Variants in SORBS2 observed in about 807,000 individuals in gnomAD.
SORBS2 encodes the protein sorbin and SH3 domain containing 2, also known as sorbin and SH3 domain-containing protein 2.
A neutral mutation model predicts 97.7 loss-of-function variants in SORBS2; 46 were observed. The ratio of observed to expected loss-of-function variants is 0.47; its 90% CI spans 0.37 to 0.60. The LOEUF is 0.60. Ranked by LOEUF, SORBS2 falls within the 20% of genes least tolerant of loss-of-function variation. The pLI is 0.00. For synonymous variants in SORBS2, 476 were observed against 473.4 expected (o/e 1.01, Z -0.07); for missense variants, 1,316 against 1,282.3 (o/e 1.03, Z -0.40).
intron 1 of SORBS2, among the ~76,000 whole-genome samples, chr4:185,841,988 G>A (rs75851726): frequency 0.021 from 3,199 of 152,202 alleles, 72 homozygotes; most frequent in South Asian, 0.055. Flanking sequence ...CATCTACTCC[G>A]TGCTCAGGGA....
intron 1 of SORBS2, among the ~76,000 whole-genome samples, chr4:185,878,499 C>A (rs1467219829): frequency 3.3e-5 from 5 of 152,086 alleles, no homozygotes; most frequent in African/African-American, 1.2e-4. Context: ...CCGTACCTGG[C>A]GCCTCGCTTT....
chr4:185,865,666 C>T (rs1259078813), intron 1 of SORBS2, among the ~76,000 whole-genome samples: 2 of 152,184 alleles, frequency 1.3e-5, no homozygotes, highest in Non-Finnish European at 2.9e-5. Flanking sequence ...GCACTCTTAG[C>T]CTAACTTTTA....
At chr4:185,723,159 T>C (rs559787479) in intron 2 of SORBS2, among the ~76,000 whole-genome samples, 3 of 152,018 alleles carry the variant, frequency 2.0e-5, no homozygotes, top group Non-Finnish European at 4.4e-5. Flanking sequence ...TAAAATAAAA[T>C]AAATCCCACA....
At chr4:185,612,719 A>G (rs1425437583) in intron 11 of SORBS2, among the ~76,000 whole-genome samples, 1 of 151,916 alleles carries the variant, frequency 6.6e-6, no homozygotes, top group African/African-American at 2.4e-5. Context: ...CCAACTCCTG[A>G]CCTCAAGTGA....
chr4:185,826,527 A>C (rs2099199906), intron 1 of SORBS2, among the ~76,000 whole-genome samples: 1 of 152,206 alleles, frequency 6.6e-6, no homozygotes, highest in African/African-American at 2.4e-5. Context: ...CCTGTGAGCT[A>C]CTGAGGATAT....
At chr4:185,695,426 T>C (rs1471858006) in intron 2 of SORBS2, among the ~76,000 whole-genome samples, 1 of 152,088 alleles carries the variant, frequency 6.6e-6, no homozygotes, top group Non-Finnish European at 1.5e-5. Flanking sequence ...ATTTTGAAAT[T>C]AACATATTCA....
rs1579273506 is a variant in SORBS2, at chr4:185,872,657, C to A, written c.-338+83539G>T. Among the ~76,000 whole-genome samples the A allele has an allele frequency of 2.6e-5, 4 of 152,042 alleles. No homozygotes were observed. The South Asian group carries it at 8.3e-4, about 32-fold the overall frequency. ...TCTAAGTTTTTCTAAGCCACCAGAG[C>A]CTAAAATCAAAATGATTTATAGATT... On this transcript the variant is annotated intron_variant, in intron 1 of 20. Transcript: ENST00000284776.
chr4:185,880,743 G>A (rs948583053), intron 1 of SORBS2, among the ~76,000 whole-genome samples: 7 of 152,152 alleles, frequency 4.6e-5, no homozygotes, highest in East Asian at 3.8e-4. Flanking sequence ...TTCAAAGTAC[G>A]GAAAAGCAAA....
chr4:185,624,205 G>C (rs766968319), exon 7 of SORBS2: 1 of 1,614,104 alleles, frequency 6.2e-7, no homozygotes, highest in African/African-American at 1.3e-5. Flanking sequence ...GGGAGCCCAT[G>C]CTTTCCGACT....
chr4:185,820,132 C>T (rs2099195842), intron 1 of SORBS2, among the ~76,000 whole-genome samples: 1 of 152,170 alleles, frequency 6.6e-6, no homozygotes, highest in Admixed American at 6.5e-5. Context: ...GAAACATCAG[C>T]TGGACGTGGA....
chr4:185,701,502 C>A (rs753210757), intron 2 of SORBS2, among the ~76,000 whole-genome samples: 1 of 152,154 alleles, frequency 6.6e-6, no homozygotes, highest in African/African-American at 2.4e-5. Context: ...TATAATGGAG[C>A]GTAAAAGCAC....
At chr4:185,838,786 TA>T (rs1453822941) in intron 1 of SORBS2, among the ~76,000 whole-genome samples, 1 of 152,164 alleles carries the variant, frequency 6.6e-6, no homozygotes, top group Non-Finnish European at 1.5e-5. Flanking sequence ...AAGTCCTAGT[TA>T]AGTAACAGTA....
chr4:185,595,576 GAAGT>G (rs1415718844), intron 12 of SORBS2, among the ~76,000 whole-genome samples: 3 of 152,050 alleles, frequency 2.0e-5, no homozygotes, highest in Non-Finnish European at 2.9e-5. Flanking sequence ...CTTTCATGCA[GAAGT>G]AAGATTTGTA....
intron 2 of SORBS2, among the ~76,000 whole-genome samples, chr4:185,681,688 A>C (rs2097869912): frequency 6.6e-6 from 1 of 152,182 alleles, no homozygotes; most frequent in African/African-American, 2.4e-5. Flanking sequence ...ACGTGCTCTT[A>C]CCAGCCCTTT....
At chr4:185,622,839 T>G in intron 7 of SORBS2, 75 bp downstream of exon 19, 2 of 1,419,040 alleles carry the variant, frequency 1.4e-6, no homozygotes, top group Non-Finnish European at 9.5e-7. Context: ...AGTGATGAGA[T>G]GTTGGAATGG....
intron 4 of SORBS2, among the ~76,000 whole-genome samples, chr4:185,633,269 A>G (rs1302037981): frequency 3.9e-5 from 6 of 152,172 alleles, no homozygotes; most frequent in African/African-American, 1.4e-4. Flanking sequence ...ATTTGTTTTT[A>G]CCAGAAATGT....
chr4:185,901,393 G>A (rs1166770437), intron 1 of SORBS2, among the ~76,000 whole-genome samples: 3 of 152,068 alleles, frequency 2.0e-5, no homozygotes, highest in Admixed American at 1.3e-4. Flanking sequence ...TAGTAGAAAC[G>A]GGGTTTCTCC....
intron 1 of SORBS2, among the ~76,000 whole-genome samples, chr4:185,855,546 T>G (rs2099220247): frequency 6.6e-6 from 1 of 152,160 alleles, no homozygotes; most frequent in South Asian, 2.1e-4. Flanking sequence ...TTCATTTCCT[T>G]AAGTACATTG....
At chr4:185,895,911 C>T (rs1196489438) in intron 1 of SORBS2, among the ~76,000 whole-genome samples, 1 of 152,134 alleles carries the variant, frequency 6.6e-6, no homozygotes, top group Non-Finnish European at 1.5e-5. Context: ...ATTCTCAGCA[C>T]AGAATTTCAT....
Sources: allele counts gnomAD v4.1 joint callset (sites outside exome capture counted in the v4.1 genomes callset), GRCh38; gene constraint gnomAD v4.1.1; transcripts MANE v1.5; gene names NCBI Gene and HGNC (gene_info 2026-07-23, HGNC 2026-07-21).